Variants in MACROD2 observed in about 807,000 individuals in gnomAD.
MACROD2 encodes mono-ADP ribosylhydrolase 2, also known as ADP-ribose glycohydrolase MACROD2.
In MACROD2, 36 loss-of-function variants were observed where a neutral mutation model predicts 70.4. That is an observed-to-expected ratio of 0.51 (90% CI 0.39 to 0.68). The LOEUF (loss-of-function observed/expected upper bound fraction) is 0.68. Among genes scored for constraint, MACROD2 ranks in the 30% least tolerant of loss-of-function variants. The pLI is 0.00. For synonymous variants in MACROD2, 172 were observed against 178.8 expected (o/e 0.96, Z 0.30); for missense variants, 496 against 538.4 (o/e 0.92, Z 0.78).
intron 8 of MACROD2, among the ~76,000 whole-genome samples, chr20:15,576,857 G>A (rs780480442): frequency 1.1e-4 from 16 of 152,136 alleles, no homozygotes; most frequent in Non-Finnish European, 2.4e-4. Context: ...CCACATTGTA[G>A]TAACACCGAT....
intron 4 of MACROD2, among the ~76,000 whole-genome samples, chr20:14,537,030 G>A (rs1710732912): frequency 6.6e-6 from 1 of 152,162 alleles, no homozygotes. Flanking sequence ...TCCTGGCCAT[G>A]ATATTAGCCT....
chr20:14,459,390 T>C (rs2084341385), intron 3 of MACROD2, among the ~76,000 whole-genome samples: 1 of 151,958 alleles, frequency 6.6e-6, no homozygotes, highest in Admixed American at 6.6e-5. Context: ...AGAAGTGACA[T>C]CGGAAGAAAA....
intron 7 of MACROD2, among the ~76,000 whole-genome samples, chr20:15,484,302 G>T (rs1378745853): frequency 6.6e-6 from 1 of 152,074 alleles, no homozygotes; most frequent in African/African-American, 2.4e-5. Context: ...TAAGCCTTTA[G>T]TCATGTGGTG....
At chr20:15,013,808 A>G (rs901284009) in intron 5 of MACROD2, among the ~76,000 whole-genome samples, 1 of 152,146 alleles carries the variant, frequency 6.6e-6, no homozygotes, top group Non-Finnish European at 1.5e-5. Flanking sequence ...CTACAACACC[A>G]AGATAAATTG....
rs574652795 is a variant in MACROD2 at position 15,513,024 on chromosome 20, A to C, written c.645+13177A>C. ...TTTTCCCTTGGGTTCAGTGACATCT[A>C]CAAAGTTCGTTTTTCTAAGTTCCTC... On this transcript the variant is annotated intron_variant, in intron 8 of 17. Coordinates refer to ENST00000684519, the MANE Select transcript of MACROD2 (RefSeq NM_001351661.2). 2.6e-5 allele frequency among the ~76,000 whole-genome samples: 4 copies of C among 152,354 alleles called. No homozygotes were observed. The South Asian group carries it at 8.3e-4, about 32-fold the overall frequency.
rs138711735 is a variant in MACROD2, at chr20:15,128,082, G to A, written c.419-101858G>A. ...TAGTGATTAGAGTCACCTACTCACCGTATCTTTTAACTGAAGTTGGGTGTC... is the reference window on the plus strand; with the variant it reads ...TAGTGATTAGAGTCACCTACTCACCATATCTTTTAACTGAAGTTGGGTGTC... On this transcript the variant is annotated intron_variant, in intron 5 of 17. Coordinates refer to ENST00000684519, the MANE Select transcript of MACROD2 (RefSeq NM_001351661.2). 1.6e-4 allele frequency among the ~76,000 whole-genome samples: 25 copies of A among 152,160 alleles called. No individual in the cohort carries two copies. The East Asian group carries it at 2.3e-3, about 14-fold the overall frequency.
chr20:14,543,003 T>C (rs1436510546), intron 4 of MACROD2, among the ~76,000 whole-genome samples: 1 of 152,214 alleles, frequency 6.6e-6, no homozygotes, highest in Non-Finnish European at 1.5e-5. Flanking sequence ...TCTTTTATTT[T>C]AAAACAACCA....
chr20:15,140,551 A>G (rs976806866), intron 5 of MACROD2, among the ~76,000 whole-genome samples: 1 of 152,142 alleles, frequency 6.6e-6, no homozygotes. Flanking sequence ...ATTTTATGAG[A>G]TCATTAGTTT....
At chr20:14,026,585 T>C (rs1176125015) in intron 2 of MACROD2, among the ~76,000 whole-genome samples, 2 of 152,232 alleles carry the variant, frequency 1.3e-5, no homozygotes, top group African/African-American at 4.8e-5. Context: ...AAGGATTTTA[T>C]TTCTCCTTCA....
At chr20:14,526,019 A>G (rs2069755399) in intron 4 of MACROD2, among the ~76,000 whole-genome samples, 1 of 152,204 alleles carries the variant, frequency 6.6e-6, no homozygotes, top group African/African-American at 2.4e-5. Flanking sequence ...TAAGGCCGAT[A>G]TCGGAATGTT....
chr20:15,996,017 T>C (rs1284285147), intron 15 of MACROD2, among the ~76,000 whole-genome samples: 1 of 152,114 alleles, frequency 6.6e-6, no homozygotes, highest in African/African-American at 2.4e-5. Context: ...TTCAGATATG[T>C]AACCAGAAGT....
At chr20:14,599,252 C>T (rs991154431) in intron 4 of MACROD2, among the ~76,000 whole-genome samples, 3 of 152,094 alleles carry the variant, frequency 2.0e-5, no homozygotes, top group Non-Finnish European at 4.4e-5. Flanking sequence ...AGAGAGGGCA[C>T]TTCTGTTGTG....
chr20:14,330,297 G>T (rs1186509016), intron 3 of MACROD2, among the ~76,000 whole-genome samples: 1 of 152,020 alleles, frequency 6.6e-6, no homozygotes. Flanking sequence ...TTTAGAGGAG[G>T]TGAGTAATAT....
chr20:15,306,779 T>C (rs2077701717), intron 6 of MACROD2, among the ~76,000 whole-genome samples: 1 of 152,160 alleles, frequency 6.6e-6, no homozygotes, highest in African/African-American at 2.4e-5. Context: ...TGGAGACCCC[T>C]GTAATGCTTT....
At chr20:15,710,972 C>G (rs1477255280) in intron 8 of MACROD2, among the ~76,000 whole-genome samples, 1 of 152,032 alleles carries the variant, frequency 6.6e-6, no homozygotes, top group Admixed American at 6.6e-5. Context: ...CTTCCGCAGC[C>G]CTTTATAGAA....
At chr20:14,285,879 T>G (rs1243608105) in intron 3 of MACROD2, among the ~76,000 whole-genome samples, 2 of 152,072 alleles carry the variant, frequency 1.3e-5, no homozygotes, top group African/African-American at 4.8e-5. Context: ...GTTATGTATA[T>G]CTTTGTACAA....
intron 5 of MACROD2, among the ~76,000 whole-genome samples, chr20:15,119,081 A>G (rs2076012314): frequency 6.6e-6 from 1 of 152,192 alleles, no homozygotes; most frequent in African/African-American, 2.4e-5. Context: ...TGGGAACTAG[A>G]GTAATTAATC....
At chr20:14,067,299 T>C (rs1256121945) in intron 2 of MACROD2, among the ~76,000 whole-genome samples, 1 of 151,778 alleles carries the variant, frequency 6.6e-6, no homozygotes, top group Non-Finnish European at 1.5e-5. Context: ...AATTTTTGTA[T>C]TTTTAGTAGA....
At chr20:14,572,856 A>T (rs1459695146) in intron 4 of MACROD2, among the ~76,000 whole-genome samples, 2 of 150,910 alleles carry the variant, frequency 1.3e-5, no homozygotes, top group African/African-American at 4.9e-5. Context: ...AAAATATTTA[A>T]AGATATTTTA....
Sources: gnomAD v4.1 joint callset for allele counts (sites outside exome capture counted in the v4.1 genomes callset) on GRCh38, gnomAD v4.1.1 for gene constraint, MANE v1.5 for transcripts, NCBI Gene and HGNC (gene_info 2026-07-23, HGNC 2026-07-21) for gene names.